Variants in PRCD observed in about 807,000 individuals in gnomAD.
PRCD encodes photoreceptor disk component PRCD.
Under a neutral mutation model 10.1 loss-of-function variants are expected in PRCD, and 12 were observed. That is an observed-to-expected ratio of 1.18 (90% CI 0.76 to 1.92). PRCD has a LOEUF of 1.92. Ranked by LOEUF, PRCD falls within the 40% of genes most tolerant of loss-of-function variation. The probability of loss-of-function intolerance (pLI) is 0.00; values close to 1 mark genes in which losing one functional copy is unlikely to be tolerated. For synonymous variants in PRCD, 31 were observed against 26.2 expected (o/e 1.18, Z -0.56); for missense variants, 61 against 72.2 (o/e 0.84, Z 0.56).
downstream of PRCD, chr17:76,546,476 G>GCA (rs2075055420): frequency 6.6e-6 from 1 of 151,954 alleles, no homozygotes; most frequent in African/African-American, 2.4e-5. The surrounding 1 kb of genome is among the most constrained non-coding windows in gnomAD (Gnocchi z 4.5). Context: ...GTGTGTGCGC[G>GCA]CAGTCCTGGG....
downstream of PRCD, chr17:76,550,159 T>C (rs1452406301): frequency 6.6e-6 from 1 of 151,820 alleles, no homozygotes; most frequent in African/African-American, 2.4e-5. Context: ...TTTCATCATA[T>C]TGGCCAGGCT....
chr17:76,534,720 C>T (rs1003481352), intron 1 of PRCD, among the ~76,000 whole-genome samples: 15 of 152,210 alleles, frequency 9.9e-5, no homozygotes, highest in African/African-American at 3.6e-4. Flanking sequence ...GACAGTTTCC[C>T]TACACTGCCT....
rs2074787584 is a variant in PRCD, at chr17:76,528,031, A to G, written n.45+198A>G. On this transcript the variant is annotated intron_variant and non_coding_transcript_variant, in intron 1 of 4. Transcript: ENST00000397633. The surrounding 1 kb of genome is among the most constrained non-coding windows in gnomAD (Gnocchi z 5.8). Reference sequence around the variant, plus strand: ...TTTGCCAGAACACTCTGTTCTCTGCACAACCGGAACCCCTCCCTGCCCCAC... The same window carrying G: ...TTTGCCAGAACACTCTGTTCTCTGCGCAACCGGAACCCCTCCCTGCCCCAC... 4 of 368,242 alleles carry G rather than the reference A, an allele frequency of 1.1e-5. No individual in the cohort carries two copies. The allele number at this position is 368,242 out of a possible 1,614,324, so 22.8% of individuals were successfully genotyped here. A position where few individuals can be genotyped will look rare whatever the true frequency, so the allele number is the denominator to read the frequency against.
At chr17:76,537,613 G>T (rs1458858676), upstream of PRCD, 2 of 1,013,102 alleles carry the variant, frequency 2.0e-6, no homozygotes, top group Non-Finnish European at 2.4e-6. Context: ...GGGGCGCGGG[G>T]CGCCGGGAGC....
At chr17:76,547,929 T>A (rs1436392943), downstream of PRCD, among the ~76,000 whole-genome samples, 1 of 147,680 alleles carries the variant, frequency 6.8e-6, no homozygotes, top group East Asian at 2.0e-4. Context: ...CACATACACA[T>A]ATACAAACAT....
At chr17:76,536,727 C>T (rs1456016050), upstream of PRCD, among the ~76,000 whole-genome samples, 1 of 152,126 alleles carries the variant, frequency 6.6e-6, no homozygotes, top group African/African-American at 2.4e-5. Context: ...GGGTTAGGCC[C>T]TGTCTCCTGA....
In PRCD at chr17:76,544,278, C is replaced by G. The variant is rs1161957896; in HGVS notation, c.*628C>G. On this transcript the variant is annotated 3_prime_UTR_variant, in exon 5 of 5. Transcript: ENST00000592014. ...CGGCGATGTCTCTGCCTGGCTGGCC[C>G]GTGCCCTTGACTTCCAGGCAGTAGA... 2.2e-6 allele frequency: 1 copy of G among 454,544 alleles called. No homozygotes were observed. Among genetic ancestry groups the G allele is most frequent in the Admixed American group, 2.3e-5 (1 of 42,576 alleles). The allele number at this position is 454,544 out of a possible 1,614,324, so 28.2% of individuals were successfully genotyped here.
chr17:76,545,145 C>T lies in PRCD; in HGVS notation c.*1495C>T, dbSNP rs752137969. ...CTTCCCCGCACACCCAGCCCACGCTCGCCTCTTATTCCCGGGGCCTCTCCC... is the reference window on the plus strand; with the variant it reads ...CTTCCCCGCACACCCAGCCCACGCTTGCCTCTTATTCCCGGGGCCTCTCCC... On this transcript the variant is annotated 3_prime_UTR_variant, in exon 5 of 5. Coordinates refer to ENST00000592014, the MANE Select transcript of PRCD (RefSeq NM_001077620.3). The T allele has an allele frequency of 3.5e-5, 16 of 456,664 alleles. No homozygotes were observed. The highest frequency in any genetic ancestry group is 1.4e-4 in the East Asian group (2 of 14,396). 28.3% of individuals were successfully genotyped at this position (456,664 alleles called of 1,614,324 possible).
At chr17:76,534,177 T>TC (rs36089608) in intron 1 of PRCD, among the ~76,000 whole-genome samples, 296 of 132,192 alleles carry the variant, frequency 2.2e-3, no homozygotes, top group South Asian at 5.3e-3. Flanking sequence ...TCTCTCTCTC[T>TC]TTCTTTCTTT....
At chr17:76,529,205 G>A in intron 1 of PRCD, 2 of 985,414 alleles carry the variant, frequency 2.0e-6, no homozygotes, top group Non-Finnish European at 2.4e-6. Flanking sequence ...TCGAGCCCAT[G>A]GGGACCCTGG....
At chr17:76,537,732 G>A (rs1411704458), upstream of PRCD, 1 of 284,594 alleles carries the variant, frequency 3.5e-6, no homozygotes, top group East Asian at 1.7e-4. Context: ...GTGTGTGCAG[G>A]GTATATGTGC....
rs1000024337 is a variant in PRCD, at chr17:76,528,830, G to C, written n.45+997G>C. The C allele has an allele frequency of 8.4e-7, 1 of 1,191,386 alleles. No homozygotes were observed. Among genetic ancestry groups the C allele is most frequent in the South Asian group, 4.4e-5 (1 of 22,648 alleles). The allele number at this position is 1,191,386 out of a possible 1,614,324, so 73.8% of individuals were successfully genotyped here. A position where few individuals can be genotyped will look rare whatever the true frequency, so the allele number is the denominator to read the frequency against. On this transcript the variant is annotated intron_variant and non_coding_transcript_variant, in intron 1 of 4. Transcript: ENST00000397633. This position sits in a 1 kb window ranked among gnomAD's most constrained non-coding sequence, Gnocchi z 5.8. ...AGTCTACTGGCCCATGGGAGCTCCGGATCTTTTTCTCTAAAATGTGAATAA... is the reference window on the plus strand; with the variant it reads ...AGTCTACTGGCCCATGGGAGCTCCGCATCTTTTTCTCTAAAATGTGAATAA...
At chr17:76,550,279 GA>G (rs1167561104), downstream of PRCD, 1 of 130,062 alleles carries the variant, frequency 7.7e-6, no homozygotes, top group Non-Finnish European at 1.6e-5. Flanking sequence ...TTTTTTTTTT[GA>G]GATGGAGTTT....
intron 1 of PRCD, among the ~76,000 whole-genome samples, chr17:76,552,662 G>A (rs1206613883): frequency 1.1e-4 from 16 of 151,382 alleles, no homozygotes; most frequent in South Asian, 2.1e-4. Context: ...TCAGGAGTTC[G>A]AGACCAGCCT....
rs2074826148 is a variant in PRCD, at chr17:76,530,675, C to T, written n.45+2842C>T. ...TTACCGCCAGGAGCCTCTGGCGCCTCTCTGCCTGGGCAGCTGTGGCTTTGG... is the reference window on the plus strand; with the variant it reads ...TTACCGCCAGGAGCCTCTGGCGCCTTTCTGCCTGGGCAGCTGTGGCTTTGG... On this transcript the variant is annotated intron_variant and non_coding_transcript_variant, in intron 1 of 4. Transcript: ENST00000397633. This position sits in a 1 kb window ranked among gnomAD's most constrained non-coding sequence, Gnocchi z 6.1. Among the ~76,000 whole-genome samples, 1 of 152,208 alleles carries T rather than the reference C, an allele frequency of 6.6e-6. No individual in the cohort carries two copies. Among genetic ancestry groups the T allele is most frequent in the Non-Finnish European group, 1.5e-5 (1 of 68,022 alleles).
intron 1 of PRCD, chr17:76,552,767 G>A (rs2075119095): frequency 6.6e-6 from 1 of 150,752 alleles, no homozygotes. Context: ...GGGAGGCTGA[G>A]GCAGGAGAAT....
upstream of PRCD, chr17:76,538,299 C>T (rs1315515101): frequency 2.8e-5 from 7 of 254,018 alleles, no homozygotes; most frequent in South Asian, 1.8e-4. Context: ...ACTCCCACGG[C>T]TCTGGACGCC....
At position 76,530,512 on chromosome 17, in the gene PRCD, G is replaced by A. The variant is rs968847559; in HGVS notation, n.45+2679G>A. Among the ~76,000 whole-genome samples the A allele has an allele frequency of 2.0e-5, 3 of 152,134 alleles. No homozygotes were observed. The highest frequency in any genetic ancestry group is 7.2e-5 in the African/African-American group (3 of 41,414). On this transcript the variant is annotated intron_variant and non_coding_transcript_variant, in intron 1 of 4. Coordinates refer to the PRCD transcript ENST00000397633. This position sits in a 1 kb window ranked among gnomAD's most constrained non-coding sequence, Gnocchi z 6.1. ...TGTGTATGTGTCCTCGTGATCCTCC[G>A]GGCTCTAGCCCTATTGAGGCAGAGG... is the stretch of plus-strand genomic sequence containing the variant.
At chr17:76,527,638 G>A (rs180761380), upstream of PRCD, 265 of 453,800 alleles carry the variant, frequency 5.8e-4, no homozygotes, top group African/African-American at 4.9e-3. Context: ...GAAAGCCCTC[G>A]GCCCTCGGAG....
Sources: gnomAD v4.1 joint callset for allele counts (sites outside exome capture counted in the v4.1 genomes callset) on GRCh38, gnomAD v4.1.1 for gene constraint, Gnocchi (gnomAD v3.1) non-coding constraint, MANE v1.5 for transcripts, NCBI Gene and HGNC (gene_info 2026-07-23, HGNC 2026-07-21) for gene names.